Variants in FCGR3A observed in about 807,000 individuals in gnomAD.
FCGR3A encodes the protein low affinity immunoglobulin gamma Fc region receptor III-A.
A neutral mutation model predicts 24.1 loss-of-function variants in FCGR3A; 13 were observed. The observed-to-expected ratio is 0.54, with a 90% CI of 0.35 to 0.86. The LOEUF (loss-of-function observed/expected upper bound fraction) is 0.86, where lower values mean the gene tolerates loss of function less well. Ranked by LOEUF, FCGR3A falls within the 40% of genes least tolerant of loss-of-function variation. The pLI, the probability that FCGR3A is intolerant of heterozygous loss-of-function variation, is 0.01. For synonymous variants in FCGR3A, 93 were observed against 112.2 expected, an observed-to-expected ratio of 0.83 and a Z score of 1.08; for missense variants, 235 against 298.0, an observed-to-expected ratio of 0.79 and a Z score of 1.56.
chr1:161,547,069 TG>T (rs1320158287), intron 3 of FCGR3A, among the ~76,000 whole-genome samples: 1 of 152,124 alleles, frequency 6.6e-6, no homozygotes, highest in Non-Finnish European at 1.5e-5. Context: ...TAGCCTTGAT[TG>T]GCTAGACTTC....
chr1:161,544,846 A>G lies in FCGR3A; in HGVS notation c.432T>C (p.Asn144=), dbSNP rs1572014432. 6.2e-7 allele frequency: 1 copy of G among 1,613,934 alleles called. No homozygotes were observed. The highest frequency in any genetic ancestry group is 8.5e-7 in the Non-Finnish European group (1 of 1,179,928). The part of the protein sequence containing the change: ...TALHKVTYLQ[N]GKGRKYFHHN... ...GATGAAAATACTTCCTGCCTTTGCC[A>G]TTCTGTAAATATGTGACCTTATGCA... Residue 144 remains asparagine, a synonymous_variant, in exon 4 of 5, where the codon AAT becomes AAC. Coordinates refer to ENST00000443193, the MANE Select transcript of FCGR3A (RefSeq NM_000569.8).
intron 4 of FCGR3A, among the ~76,000 whole-genome samples, chr1:161,544,419 CAG>C (rs1677285101): frequency 6.6e-6 from 1 of 151,788 alleles, no homozygotes; most frequent in Non-Finnish European, 1.5e-5. Context: ...TAAGGAAAGA[CAG>C]AGGTATTTAT....
At position 161,543,189 on chromosome 1, in the gene FCGR3A, C is replaced by T. The variant is rs770470849; in HGVS notation, c.588G>A (p.Val196=). Residue 196 remains valine (V), a synonymous_variant, in exon 5 of 5, where the codon GTG becomes GTA. Coordinates refer to ENST00000443193, the MANE Select transcript of FCGR3A (RefSeq NM_000569.8). ...VNITITQGLA[V]STISSFFPPG... ...GTGGAAAGAATGATGAGATGGTTGACACTGCCAAACCTATTAGGAGAAGTG... is the reference window on the plus strand; with the variant it reads ...GTGGAAAGAATGATGAGATGGTTGATACTGCCAAACCTATTAGGAGAAGTG... The T allele has an allele frequency of 1.9e-6, 3 of 1,612,982 alleles. No homozygotes were observed. Among genetic ancestry groups the T allele is most frequent in the South Asian group, 1.1e-5 (1 of 90,986 alleles).
upstream of FCGR3A, chr1:161,550,069 A>T (rs967267120): frequency 3.4e-6 from 2 of 594,746 alleles, no homozygotes; most frequent in Non-Finnish European, 5.9e-6. Flanking sequence ...TGCTTGCCCC[A>T]TCTCCTGGAT....
intron 2 of FCGR3A, 49 bp downstream of exon 2, chr1:161,548,962 C>T (rs11803561): frequency 3.1e-6 from 5 of 1,590,678 alleles, no homozygotes; most frequent in African/African-American, 1.3e-5. Flanking sequence ...TGGCCTTTGT[C>T]CCCATATGTG....
intron 3 of FCGR3A, chr1:161,545,598 A>C (rs1225233545): frequency 6.6e-6 from 1 of 152,182 alleles, no homozygotes; most frequent in Non-Finnish European, 1.5e-5. Context: ...CATGGCCTTC[A>C]AGAGAGGAAA....
Position 161,549,756 on chromosome 1 carries a change from C to A in FCGR3A, c.-20G>T, listed in dbSNP as rs761051048. On this transcript the variant is annotated 5_prime_UTR_variant, in exon 1 of 5. Coordinates refer to ENST00000443193, the MANE Select transcript of FCGR3A (RefSeq NM_000569.8). ...CCACATGATGCCACACTGGAGTGGACAAGTCACCAAAGATATCCGGAGCCC... is the reference window on the plus strand; with the variant it reads ...CCACATGATGCCACACTGGAGTGGAAAAGTCACCAAAGATATCCGGAGCCC... 2 of 1,613,894 alleles carry A rather than the reference C, an allele frequency of 1.2e-6. No individual in the cohort carries two copies. Among genetic ancestry groups the A allele is most frequent in the South Asian group, 1.1e-5 (1 of 91,040 alleles).
intron 3 of FCGR3A, 93 bp downstream of exon 3, chr1:161,548,328 C>T: frequency 1.3e-6 from 2 of 1,590,836 alleles, no homozygotes; most frequent in South Asian, 1.1e-5. Context: ...GCTTTTATCT[C>T]TAAGAATATC....
At position 161,546,904 on chromosome 1, in the gene FCGR3A, CAA is replaced by C. The variant is rs762209216; in HGVS notation, c.319+1515_319+1516del. Among the ~76,000 whole-genome samples, 17 of 151,220 alleles carry C rather than the reference CAA, an allele frequency of 1.1e-4. 1 individual carries two copies. The highest frequency in any genetic ancestry group is 2.5e-4 in the Non-Finnish European group (17 of 67,828). On this transcript the variant is annotated intron_variant, in intron 3 of 4. Coordinates refer to ENST00000443193, the MANE Select transcript of FCGR3A (RefSeq NM_000569.8). ...TGGGTGACAGAGAGAGACTCTGTCT[CAA>C]AAACAAAAACAAAAACAAACACAAA... is the stretch of plus-strand genomic sequence containing the variant.
At chr1:161,545,987 C>G (rs994624588) in intron 3 of FCGR3A, among the ~76,000 whole-genome samples, 11 of 151,972 alleles carry the variant, frequency 7.2e-5, no homozygotes, top group African/African-American at 2.7e-4. Flanking sequence ...CTCCTGTTTA[C>G]TTTTATATAT....
At chr1:161,548,223 T>G (rs1677531343) in intron 3 of FCGR3A, among the ~76,000 whole-genome samples, 198 bp downstream of exon 3, 1 of 152,312 alleles carries the variant, frequency 6.6e-6, no homozygotes, top group South Asian at 2.1e-4. Context: ...CTATATCTAC[T>G]GTCTGACAGG....
chr1:161,547,622 T>A (rs1383713510), intron 3 of FCGR3A, among the ~76,000 whole-genome samples: 2 of 152,232 alleles, frequency 1.3e-5, no homozygotes, highest in African/African-American at 4.8e-5. Context: ...ACCAAATTTA[T>A]GCTTAATTAT....
chr1:161,545,038 G>A, intron 3 of FCGR3A, 80 bp from the exon 4 acceptor site: 1 of 1,564,620 alleles, frequency 6.4e-7, no homozygotes, highest in East Asian at 2.3e-5. Flanking sequence ...GTACCACCCA[G>A]ATCCTGAGAC....
upstream of FCGR3A, chr1:161,549,915 C>A (rs752088762): frequency 1.6e-4 from 247 of 1,559,620 alleles, 1 homozygote; most frequent in Non-Finnish European, 2.1e-4. Context: ...GGCAAGGGAG[C>A]CCCACCATAG....
upstream of FCGR3A, chr1:161,550,179 A>G: frequency 4.0e-6 from 2 of 498,772 alleles, no homozygotes; most frequent in Non-Finnish European, 3.5e-6. Context: ...TTCACCTCAG[A>G]ACTTGTCACT....
chr1:161,545,824 A>G (rs1207190460), intron 3 of FCGR3A: 1 of 152,116 alleles, frequency 6.6e-6, no homozygotes, highest in Non-Finnish European at 1.5e-5. Context: ...TTATAATGGC[A>G]TAAGAAAATA....
upstream of FCGR3A, chr1:161,550,038 G>A (rs1677688949): frequency 1.6e-6 from 1 of 643,032 alleles, no homozygotes; most frequent in Admixed American, 3.0e-5. Context: ...CTGCCAGAGT[G>A]TGCCCTCAGC....
intron 3 of FCGR3A, among the ~76,000 whole-genome samples, chr1:161,547,080 C>T (rs1013830028): frequency 1.3e-5 from 2 of 152,120 alleles, no homozygotes; most frequent in African/African-American, 4.8e-5. Flanking sequence ...GGCTAGACTT[C>T]TAAAGCCAGT....
chr1:161,547,374 A>G (rs564029039), intron 3 of FCGR3A, among the ~76,000 whole-genome samples: 95 of 152,236 alleles, frequency 6.2e-4, no homozygotes, highest in Admixed American at 2.4e-3. Context: ...TGTTCCACCC[A>G]TAAACATTGT....
Sources: allele counts gnomAD v4.1 joint callset (sites outside exome capture counted in the v4.1 genomes callset), GRCh38; gene constraint gnomAD v4.1.1; transcripts MANE v1.5; gene names NCBI Gene and HGNC (gene_info 2026-07-23, HGNC 2026-07-21).